The following IGF1R variants were observed in gnomAD, a reference collection of about 807,000 sequenced individuals.
The protein encoded by IGF1R is insulin-like growth factor 1 receptor.
IGF1R carries 44 observed loss-of-function variants against 144.6 expected under a neutral mutation model. The ratio of observed to expected loss-of-function variants is 0.30; its 90% CI spans 0.24 to 0.39. The LOEUF (loss-of-function observed/expected upper bound fraction) is 0.39, where lower values mean the gene tolerates loss of function less well. Ranked by LOEUF, IGF1R falls within the 10% of genes least tolerant of loss-of-function variation. The pLI, the probability that IGF1R is intolerant of heterozygous loss-of-function variation, is 1.00. For missense variants in IGF1R, 1,355 were observed against 1,833.7 expected, an observed-to-expected ratio of 0.74 and a Z score of 4.77; for synonymous variants, 795 against 722.8, an observed-to-expected ratio of 1.10 and a Z score of -1.60.
chr15:98,950,204 C>A (rs1039797667), intron 20 of IGF1R, among the ~76,000 whole-genome samples: 1 of 152,238 alleles, frequency 6.6e-6, no homozygotes, highest in Admixed American at 6.5e-5. Flanking sequence ...ATCCACCCCC[C>A]TGGAGCCAGC....
chr15:98,749,954 T>TAGA (rs2054966942), intron 2 of IGF1R, among the ~76,000 whole-genome samples: 1 of 152,134 alleles, frequency 6.6e-6, no homozygotes, highest in Non-Finnish European at 1.5e-5. Flanking sequence ...CCTTATTTCT[T>TAGA]AGTGAACAAA....
At chr15:98,762,660 G>A (rs536118501) in intron 2 of IGF1R, among the ~76,000 whole-genome samples, 2 of 152,002 alleles carry the variant, frequency 1.3e-5, no homozygotes, top group African/African-American at 4.8e-5. Context: ...CCCGGGAGGT[G>A]GAGGTTGCAG....
intron 2 of IGF1R, among the ~76,000 whole-genome samples, chr15:98,766,285 G>T (rs1056941149): frequency 1.1e-4 from 17 of 152,122 alleles, no homozygotes; most frequent in Admixed American, 3.3e-4. Context: ...AATCCATAAG[G>T]TTTTTCAAAT....
intron 2 of IGF1R, among the ~76,000 whole-genome samples, chr15:98,810,123 AGAAAGGCATG>A: frequency 7.0e-6 from 1 of 143,740 alleles, no homozygotes; most frequent in East Asian, 2.3e-4. Context: ...CCAGCTTTGT[AGAAAGGCATG>A]GTGTGGGGGT....
chr15:98,751,433 T>C (rs1358459401), intron 2 of IGF1R, among the ~76,000 whole-genome samples: 1 of 152,132 alleles, frequency 6.6e-6, no homozygotes, highest in Non-Finnish European at 1.5e-5. Context: ...CTGTCTTGAA[T>C]GCCTGGCTTC....
intron 2 of IGF1R, among the ~76,000 whole-genome samples, chr15:98,738,986 G>GAAGA (rs1555438181): frequency 6.6e-6 from 1 of 151,922 alleles, no homozygotes; most frequent in African/African-American, 2.4e-5. Context: ...GAAACAACAG[G>GAAGA]AAGAACAAAA....
At chr15:98,799,073 C>A (rs867991890) in intron 2 of IGF1R, among the ~76,000 whole-genome samples, 3 of 152,106 alleles carry the variant, frequency 2.0e-5, no homozygotes, top group Non-Finnish European at 2.9e-5. Flanking sequence ...CTTTGGGTAA[C>A]TATGCCCCTA....
chr15:98,651,865 C>T (rs1163840495), intron 1 of IGF1R, among the ~76,000 whole-genome samples: 3 of 151,626 alleles, frequency 2.0e-5, no homozygotes, highest in African/African-American at 7.3e-5. Context: ...CAGTACCTGC[C>T]CCTCCCTCCA....
chr15:98,715,453 G>T (rs1400391516), intron 2 of IGF1R, among the ~76,000 whole-genome samples: 1 of 152,184 alleles, frequency 6.6e-6, no homozygotes, highest in East Asian at 1.9e-4. Flanking sequence ...AGCCCCTTCA[G>T]CTCTCACCAG....
intron 13 of IGF1R, among the ~76,000 whole-genome samples, chr15:98,928,249 C>G (rs958503944): frequency 3.3e-5 from 5 of 152,162 alleles, no homozygotes; most frequent in Admixed American, 2.0e-4. Context: ...ACTTACCAAG[C>G]CAGATCATCT....
intron 2 of IGF1R, among the ~76,000 whole-genome samples, chr15:98,818,484 G>A (rs528443812): frequency 7.9e-5 from 12 of 152,044 alleles, no homozygotes; most frequent in Admixed American, 3.9e-4. Flanking sequence ...TGCTGGGACC[G>A]TGCATATGAG....
intron 2 of IGF1R, among the ~76,000 whole-genome samples, chr15:98,761,005 A>G (rs1217664797): frequency 6.6e-6 from 1 of 152,226 alleles, no homozygotes; most frequent in Non-Finnish European, 1.5e-5. Flanking sequence ...ACTGGAGATG[A>G]GTTTAGCACA....
intron 5 of IGF1R, among the ~76,000 whole-genome samples, chr15:98,904,816 G>A (rs985392322): frequency 2.0e-5 from 3 of 152,200 alleles, no homozygotes; most frequent in African/African-American, 4.8e-5. Flanking sequence ...TGGAGACCTC[G>A]GGTTCAGCTC....
chr15:98,924,058 T>A, intron 12 of IGF1R, 46 bp downstream of exon 12: 1 of 1,567,960 alleles, frequency 6.4e-7, no homozygotes. Flanking sequence ...TTCCATCCAT[T>A]GACAGCATAT....
intron 5 of IGF1R, among the ~76,000 whole-genome samples, chr15:98,906,404 C>T (rs1436118463): frequency 1.3e-5 from 2 of 152,148 alleles, no homozygotes; most frequent in East Asian, 3.8e-4. Context: ...TGGAAGCAGC[C>T]CGACATTTGG....
intron 3 of IGF1R, among the ~76,000 whole-genome samples, chr15:98,894,828 G>A (rs935848320): frequency 5.9e-5 from 9 of 151,984 alleles, no homozygotes; most frequent in Non-Finnish European, 8.8e-5. Context: ...TTGAGGTCAG[G>A]AGGCCAACAT....
intron 2 of IGF1R, among the ~76,000 whole-genome samples, chr15:98,830,590 A>G (rs887208742): frequency 7.3e-5 from 11 of 150,576 alleles, no homozygotes; most frequent in Non-Finnish European, 1.5e-4. Context: ...CATGGTTCCA[A>G]CATCTGATCA....
chr15:98,793,448 A>T (rs1361894730), intron 2 of IGF1R, among the ~76,000 whole-genome samples: 1 of 152,232 alleles, frequency 6.6e-6, no homozygotes, highest in Non-Finnish European at 1.5e-5. Context: ...TATAGGGCTT[A>T]GTTCTGCCCT....
intron 2 of IGF1R, among the ~76,000 whole-genome samples, chr15:98,790,115 G>A (rs1237646128): frequency 6.6e-5 from 10 of 152,156 alleles, no homozygotes; most frequent in Admixed American, 2.0e-4. Flanking sequence ...AGGTGATTTC[G>A]AAGGAAGGAT....
Sources: allele counts gnomAD v4.1 joint callset (sites outside exome capture counted in the v4.1 genomes callset), GRCh38; gene constraint gnomAD v4.1.1; transcripts MANE v1.5; gene names NCBI Gene and HGNC (gene_info 2026-07-23, HGNC 2026-07-21).